Variants in USP37 observed in about 807,000 individuals in gnomAD.
The protein encoded by USP37 is ubiquitin carboxyl-terminal hydrolase 37.
In USP37, 27 loss-of-function variants were observed where a neutral mutation model predicts 124.0. The observed-to-expected ratio is 0.22, with a 90% CI of 0.16 to 0.30. USP37 has a LOEUF of 0.30. Among genes scored for constraint, USP37 ranks in the 10% least tolerant of loss-of-function variants. The pLI, the probability that USP37 is intolerant of heterozygous loss-of-function variation, is 1.00. For missense variants in USP37, 889 were observed against 1,140.4 expected, an observed-to-expected ratio of 0.78 and a Z score of 3.17; for synonymous variants, 365 against 388.0, an observed-to-expected ratio of 0.94 and a Z score of 0.70.
At chr2:218,532,291 C>T (rs992129979) in intron 9 of USP37, among the ~76,000 whole-genome samples, 3 of 151,882 alleles carry the variant, frequency 2.0e-5, no homozygotes, top group Non-Finnish European at 4.4e-5. Context: ...TATGGTGAAA[C>T]CCCATCTCTA....
At chr2:218,548,797 C>T (rs1692514537) in intron 6 of USP37, among the ~76,000 whole-genome samples, 2 of 152,108 alleles carry the variant, frequency 1.3e-5, no homozygotes, top group Non-Finnish European at 2.9e-5. Flanking sequence ...TTATGACCCA[C>T]AAAATTGAAT....
At chr2:218,481,974 G>T in intron 17 of USP37, 96 bp downstream of exon 17, 1 of 1,381,786 alleles carries the variant, frequency 7.2e-7, no homozygotes, top group Non-Finnish European at 9.8e-7. Flanking sequence ...TTTTACCTTG[G>T]AGTCATATTA....
In USP37 at chr2:218,459,658, G is replaced by C. The variant is rs898953321; in HGVS notation, c.2643+132C>G. On this transcript the variant is annotated intron_variant, in intron 23 of 25. Transcript: ENST00000258399. ...TGAACAGCAAATGACAAGAGAAAAT[G>C]AGACCATCTAATGGCTACTGAAAGG... is the stretch of plus-strand genomic sequence containing the variant. 8 of 604,988 alleles carry C rather than the reference G, an allele frequency of 1.3e-5. No individual in the cohort carries two copies. The African/African-American group carries it at 1.5e-4, about 11-fold the overall frequency. The allele number at this position is 604,988 out of a possible 1,614,324, so 37.5% of individuals were successfully genotyped here.
intron 15 of USP37, among the ~76,000 whole-genome samples, chr2:218,486,719 G>C (rs1691586439): frequency 6.6e-6 from 1 of 151,770 alleles, no homozygotes; most frequent in South Asian, 2.1e-4. Context: ...CACCCAGCCA[G>C]ATTTTTTATT....
At chr2:218,463,523 T>G (rs541898699) in intron 21 of USP37, among the ~76,000 whole-genome samples, 157 bp from the exon 22 acceptor site, 10 of 150,622 alleles carry the variant, frequency 6.6e-5, no homozygotes, top group Non-Finnish European at 1.3e-4. Flanking sequence ...TGTGGGGAAG[T>G]TCTTTACTTT....
intron 23 of USP37, among the ~76,000 whole-genome samples, chr2:218,459,141 G>A (rs1170571156): frequency 6.6e-6 from 1 of 151,322 alleles, no homozygotes; most frequent in Non-Finnish European, 1.5e-5. Context: ...AGTTTTCAGT[G>A]AGGAACAACC....
chr2:218,547,683 A>G (rs16859048), intron 6 of USP37, among the ~76,000 whole-genome samples: 3,640 of 152,190 alleles, frequency 0.024, 146 homozygotes, highest in African/African-American at 0.083. Flanking sequence ...TGATTATGAC[A>G]AGTTAAGAAA....
In USP37 at chr2:218,547,234, C is replaced by T. The variant is rs113312778; in HGVS notation, c.430-143G>A. On this transcript the variant is annotated intron_variant, in intron 6 of 25. Transcript: ENST00000258399. ...TGCCTGTAATCCCAGAAAGCGAAGG[C>T]GGGAGGATCACTTGAGCTCAATAGT... 6.3e-3 allele frequency: 5,369 copies of T among 857,686 alleles called. 208 individuals carry two copies. The African/African-American group carries it at 0.083, about 13-fold the overall frequency. 53.1% of individuals were successfully genotyped at this position (857,686 alleles called of 1,614,324 possible). A position where few individuals can be genotyped will look rare whatever the true frequency, so the allele number is the denominator to read the frequency against.
chr2:218,474,558 GTTAT>G, intron 20 of USP37, 68 bp downstream of exon 20: 1 of 1,569,308 alleles, frequency 6.4e-7, no homozygotes, highest in Non-Finnish European at 8.6e-7. Context: ...TTATTTGGAG[GTTAT>G]TTGTCACTAC....
chr2:218,471,841 C>T (rs764035349), intron 20 of USP37, among the ~76,000 whole-genome samples: 4 of 151,854 alleles, frequency 2.6e-5, no homozygotes, highest in Non-Finnish European at 5.9e-5. Context: ...GCCTGGCCAA[C>T]ATGGTGAATC....
intron 9 of USP37, 152 bp from the exon 10 acceptor site, chr2:218,530,192 T>A: frequency 1.6e-6 from 1 of 638,262 alleles, no homozygotes; most frequent in Non-Finnish European, 2.6e-6. Context: ...CTCTTTGCTT[T>A]ATTGTGCCTC....
In USP37 at chr2:218,455,550, CATT is replaced by C. The variant is rs780789286; in HGVS notation, c.2852+27_2852+29del. ...AAAAGAGTTCCGGTGATTTCTAACT[CATT>C]ATTTAGAATCTGGCAAAGTTTCTTA... On this transcript the variant is annotated intron_variant, in intron 25 of 25. Transcript: ENST00000258399. 203 of 1,543,236 alleles carry C rather than the reference CATT, an allele frequency of 1.3e-4. 1 individual carries two copies. Among genetic ancestry groups the C allele is most frequent in the Non-Finnish European group, 1.7e-4 (198 of 1,145,048 alleles).
At chr2:218,559,913 G>A (rs780820937) in intron 3 of USP37, among the ~76,000 whole-genome samples, 23 of 151,844 alleles carry the variant, frequency 1.5e-4, no homozygotes, top group Non-Finnish European at 3.2e-4. Flanking sequence ...CAGGGAGGTC[G>A]AGGCTGCAGT....
At chr2:218,521,457 T>C (rs377028111) in intron 10 of USP37, among the ~76,000 whole-genome samples, 4 of 152,126 alleles carry the variant, frequency 2.6e-5, no homozygotes, top group East Asian at 3.9e-4. Context: ...CCCGCATGCA[T>C]TACATATTTG....
At chr2:218,558,440 T>G in intron 4 of USP37, 58 bp downstream of exon 4, 1 of 1,520,486 alleles carries the variant, frequency 6.6e-7, no homozygotes. Flanking sequence ...TGGCACAGAA[T>G]AGCTATTTAC....
At chr2:218,482,893 G>C (rs182994075) in intron 16 of USP37, among the ~76,000 whole-genome samples, 2 of 152,178 alleles carry the variant, frequency 1.3e-5, no homozygotes, top group Admixed American at 1.3e-4. Context: ...CACAGAACAC[G>C]ATCTCTGCTT....
intron 4 of USP37, among the ~76,000 whole-genome samples, chr2:218,556,600 G>C (rs1278262284): frequency 5.4e-5 from 7 of 129,040 alleles, no homozygotes. Flanking sequence ...TGCAACCTCT[G>C]CCTCCCGGAT....
chr2:218,556,355 G>C (rs2106055667), intron 4 of USP37, among the ~76,000 whole-genome samples: 1 of 151,842 alleles, frequency 6.6e-6, no homozygotes, highest in Non-Finnish European at 1.5e-5. Flanking sequence ...AAAAAAAAAA[G>C]ACATCACTTC....
chr2:218,452,219 T>C lies in USP37; in HGVS notation c.*2711A>G, dbSNP rs1689504538. 1 of 152,104 alleles carries C rather than the reference T, an allele frequency of 6.6e-6. No individual in the cohort carries two copies. Among genetic ancestry groups the C allele is most frequent in the African/African-American group, 2.4e-5 (1 of 41,420 alleles). 9.4% of individuals were successfully genotyped at this position (152,104 alleles called of 1,614,324 possible). A position where few individuals can be genotyped will look rare whatever the true frequency, so the allele number is the denominator to read the frequency against. ...TCATTTAAAGTAATGTAACCACACA[T>C]TTGGTATTTTCAATAGGAAGGTTAA... On this transcript the variant is annotated 3_prime_UTR_variant, in exon 26 of 26. Transcript: ENST00000258399.
Sources: allele counts gnomAD v4.1 joint callset (sites outside exome capture counted in the v4.1 genomes callset), GRCh38; gene constraint gnomAD v4.1.1; transcripts MANE v1.5; gene names NCBI Gene and HGNC (gene_info 2026-07-23, HGNC 2026-07-21).